Variants in CCDC180 observed in about 807,000 individuals in gnomAD.
CCDC180 encodes coiled-coil domain containing 180.
CCDC180 carries 154 observed loss-of-function variants against 209.2 expected under a neutral mutation model. That is an observed-to-expected ratio of 0.74 (90% CI 0.65 to 0.84). The LOEUF is 0.84. Among genes scored for constraint, CCDC180 ranks in the 40% least tolerant of loss-of-function variants. The pLI is 0.00. For synonymous variants in CCDC180, 778 were observed against 749.1 expected, an observed-to-expected ratio of 1.04 and a Z score of -0.63; for missense variants, 1,874 against 1,997.3, an observed-to-expected ratio of 0.94 and a Z score of 1.18.
intron 14 of CCDC180, among the ~76,000 whole-genome samples, chr9:97,325,594 C>G (rs1389356324): frequency 6.6e-6 from 1 of 152,192 alleles, no homozygotes; most frequent in African/African-American, 2.4e-5. Flanking sequence ...CTATTAAAGT[C>G]TAGTTGTTCA....
At chr9:97,315,005 C>A in intron 8 of CCDC180, 59 bp downstream of exon 8, 2 of 1,310,998 alleles carry the variant, frequency 1.5e-6, no homozygotes, top group Non-Finnish European at 2.2e-6. Flanking sequence ...ACCAGGAACC[C>A]AGGGCACCCC....
intron 20 of CCDC180, among the ~76,000 whole-genome samples, chr9:97,348,596 C>T (rs559516439): frequency 1.1e-4 from 17 of 151,992 alleles, no homozygotes; most frequent in African/African-American, 1.9e-4. Context: ...TGGTCGGGGT[C>T]GGGGGGGTCT....
At chr9:97,318,352 A>G in intron 9 of CCDC180, 111 bp from the exon 10 acceptor site, 1 of 1,259,352 alleles carries the variant, frequency 7.9e-7, no homozygotes, top group Non-Finnish European at 1.1e-6. Flanking sequence ...GGGTGGTGTT[A>G]GGGAAGGAGT....
At chr9:97,326,742 C>T in intron 15 of CCDC180, 73 bp downstream of exon 15, 1 of 956,924 alleles carries the variant, frequency 1.0e-6, no homozygotes, top group Non-Finnish European at 1.7e-6. Flanking sequence ...GGCAGCCTGC[C>T]CAAGAGCCCA....
Position 97,354,075 on chromosome 9 carries a change from G to A in CCDC180, c.3003-494G>A, listed in dbSNP as rs1338814965. Among the ~76,000 whole-genome samples, 7 of 146,790 alleles carry A rather than the reference G, an allele frequency of 4.8e-5. No individual in the cohort carries two copies. The East Asian group carries it at 1.4e-3, about 29-fold the overall frequency. ...TGCAGTGGCGCAATCTCGGCTCACT[G>A]CAACCTCTCCCTCCTAGGCTTAAGA... On this transcript the variant is annotated intron_variant, in intron 22 of 36. Transcript: ENST00000529487.
At chr9:97,370,554 G>C (rs1827055789) in intron 32 of CCDC180, 87 bp from the exon 33 acceptor site, 2 of 1,484,496 alleles carry the variant, frequency 1.3e-6, no homozygotes, top group Admixed American at 3.6e-5. Flanking sequence ...ACATGAGTCT[G>C]GCCATAATCA....
At chr9:97,362,164 A>G (rs1179110811) in intron 27 of CCDC180, 32 bp from the exon 28 acceptor site, 5 of 1,594,766 alleles carry the variant, frequency 3.1e-6, no homozygotes, top group Non-Finnish European at 4.3e-6. Context: ...TGGTCACCGG[A>G]GAAGAGCTCA....
Position 97,362,238 on chromosome 9 carries a change from T to A in CCDC180, c.3699T>A (p.Asp1233Glu), listed in dbSNP as rs1826777564. 1 of 1,613,740 alleles carries A rather than the reference T, an allele frequency of 6.2e-7. No homozygotes were observed. Among genetic ancestry groups the A allele is most frequent in the Admixed American group, 1.7e-5 (1 of 59,994 alleles). Reference sequence around the variant, plus strand: ...GGCCAACCCACCATTGTGACAAAGATCCGTCCCAGACAGGTAGAGGCGCAT... The same window carrying A: ...GGCCAACCCACCATTGTGACAAAGAACCGTCCCAGACAGGTAGAGGCGCAT... ...TKWPTHHCDK[D>E]PSQTGRGAWA... The change falls in exon 28 of 37, where the codon GAT (aspartate) becomes GAA (glutamate). Residue 1233 changes from aspartate (D) to glutamate (E), a missense_variant. By Grantham distance (45) the Asp-to-Glu change is conservative. Coordinates refer to ENST00000529487, the MANE Select transcript of CCDC180 (RefSeq NM_020893.6).
At chr9:97,345,129 G>A (rs1380815989) in intron 19 of CCDC180, among the ~76,000 whole-genome samples, 3 of 152,086 alleles carry the variant, frequency 2.0e-5, no homozygotes, top group African/African-American at 7.3e-5. Flanking sequence ...TTTCCAATTT[G>A]GGGATATACC....
At chr9:97,324,176 G>C (rs1297916440) in intron 13 of CCDC180, among the ~76,000 whole-genome samples, 8 of 152,188 alleles carry the variant, frequency 5.3e-5, no homozygotes, top group Admixed American at 5.2e-4. Context: ...CTGAAGGGCT[G>C]TGGAGGCACA....
At chr9:97,350,363 A>T (rs1298455645) in intron 21 of CCDC180, 46 bp from the exon 22 acceptor site, 1 of 1,522,338 alleles carries the variant, frequency 6.6e-7, no homozygotes, top group East Asian at 2.5e-5. Flanking sequence ...CTTGTCCCCC[A>T]GGGTTGTCCC....
chr9:97,333,917 T>A (rs1587804020), intron 18 of CCDC180, among the ~76,000 whole-genome samples: 1 of 151,862 alleles, frequency 6.6e-6, no homozygotes, highest in South Asian at 2.1e-4. Context: ...GCCTCCCAGG[T>A]TCAAGTGATT....
At chr9:97,347,242 G>A (rs1286867482) in intron 19 of CCDC180, 72 bp from the exon 20 acceptor site, 7 of 1,437,408 alleles carry the variant, frequency 4.9e-6, no homozygotes, top group Non-Finnish European at 6.5e-6. Context: ...AGCACTTTGG[G>A]TCTCCATATG....
At chr9:97,367,466 A>ATTT (rs3052476) in intron 31 of CCDC180, among the ~76,000 whole-genome samples, 209 of 128,294 alleles carry the variant, frequency 1.6e-3, no homozygotes, top group African/African-American at 4.0e-3. Context: ...TCAGTTTTCT[A>ATTT]TTTTTTTTTT....
chr9:97,355,207 T>G (rs933734318), intron 24 of CCDC180, among the ~76,000 whole-genome samples, 199 bp downstream of exon 24: 1 of 152,064 alleles, frequency 6.6e-6, no homozygotes, highest in African/African-American at 2.4e-5. Flanking sequence ...CAGGCTGGAG[T>G]GCAGTGGCGT....
At position 97,366,496 on chromosome 9, in the gene CCDC180, C is replaced by G; in HGVS notation, c.4048-63C>G. On this transcript the variant is annotated intron_variant, in intron 30 of 36. Coordinates refer to ENST00000529487, the MANE Select transcript of CCDC180 (RefSeq NM_020893.6). This position sits in a 1 kb window ranked among gnomAD's most constrained non-coding sequence, Gnocchi z 4.3. ...TGGAGGTGAGGGCAGGCTGGTGGAT[C>G]CCAGGAGCAAGGGCCAGAGTCCCAT... The G allele has an allele frequency of 6.4e-7, 1 of 1,557,154 alleles. No homozygotes were observed. The highest frequency in any genetic ancestry group is 8.7e-7 in the Non-Finnish European group (1 of 1,143,638).
At chr9:97,358,591 C>T (rs567648759) in intron 25 of CCDC180, among the ~76,000 whole-genome samples, 4 of 152,230 alleles carry the variant, frequency 2.6e-5, no homozygotes, top group East Asian at 3.9e-4. Flanking sequence ...CATGAGTGCA[C>T]GACTCTGTCC....
chr9:97,330,101 CTCTGAAG>C, intron 16 of CCDC180, 46 bp from the exon 17 acceptor site: 1 of 1,188,166 alleles, frequency 8.4e-7, no homozygotes, highest in Non-Finnish European at 1.2e-6. Context: ...GTGGGGGGCA[CTCTGAAG>C]AAAGGCAGTG....
rs77317347 is a variant in CCDC180 at position 97,334,243 on chromosome 9, C to T, written c.2274+3476C>T. Reference sequence around the variant, plus strand: ...AGCTACTAATGGAAAAGCTGGGACTCTTTTTATATTATACGACTTAGCCCT... The same window carrying T: ...AGCTACTAATGGAAAAGCTGGGACTTTTTTTATATTATACGACTTAGCCCT... On this transcript the variant is annotated intron_variant, in intron 18 of 36. Coordinates refer to ENST00000529487, the MANE Select transcript of CCDC180 (RefSeq NM_020893.6). Among the ~76,000 whole-genome samples, 5 of 152,104 alleles carry T rather than the reference C, an allele frequency of 3.3e-5. No homozygotes were observed. In the East Asian group the frequency reaches 9.6e-4, roughly 29 times the overall value.
Sources: gnomAD v4.1 joint callset for allele counts (sites outside exome capture counted in the v4.1 genomes callset) on GRCh38, gnomAD v4.1.1 for gene constraint, Gnocchi (gnomAD v3.1) non-coding constraint, MANE v1.5 for transcripts, NCBI Gene and HGNC (gene_info 2026-07-23, HGNC 2026-07-21) for gene names.